LIN9: variants seen among roughly 807,000 people sequenced by gnomAD.
The protein encoded by LIN9 is protein lin-9 homolog.
LIN9 carries 18 observed loss-of-function variants against 78.0 expected under a neutral mutation model. The observed-to-expected ratio is 0.23, with a 90% CI of 0.16 to 0.34. The LOEUF is 0.34. Among genes scored for constraint, LIN9 ranks in the 10% least tolerant of loss-of-function variants. LIN9 has a pLI of 1.00. For missense variants in LIN9, 451 were observed against 644.1 expected (o/e 0.70, Z 3.25); for synonymous variants, 192 against 215.2 (o/e 0.89, Z 0.94).
chr1:226,264,458 A>C (rs1659790821), intron 10 of LIN9, among the ~76,000 whole-genome samples: 1 of 152,230 alleles, frequency 6.6e-6, no homozygotes, highest in South Asian at 2.1e-4. Context: ...ATATACAGAC[A>C]CACAACTGAC....
intron 6 of LIN9, among the ~76,000 whole-genome samples, chr1:226,281,704 T>C (rs566845791): frequency 3.3e-5 from 5 of 151,650 alleles, no homozygotes; most frequent in African/African-American, 4.8e-5. Context: ...TTTTCTTTTT[T>C]TTTTTTTGAT....
intron 4 of LIN9, among the ~76,000 whole-genome samples, chr1:226,290,236 T>A (rs963226787): frequency 6.6e-6 from 1 of 151,672 alleles, no homozygotes; most frequent in African/African-American, 2.4e-5. Context: ...GCATAAACAG[T>A]TTACAGAAAA....
intron 7 of LIN9, among the ~76,000 whole-genome samples, chr1:226,268,545 A>T (rs551673607): frequency 6.6e-6 from 1 of 152,300 alleles, no homozygotes; most frequent in South Asian, 2.1e-4. Flanking sequence ...GTATCTGGGA[A>T]CTTGGATTTC....
At chr1:226,258,206 AC>A (rs1659328376) in intron 10 of LIN9, among the ~76,000 whole-genome samples, 3 of 133,326 alleles carry the variant, frequency 2.3e-5, no homozygotes, top group African/African-American at 7.8e-5. Flanking sequence ...AAACAAACAA[AC>A]AAACAAAACA....
intron 11 of LIN9, among the ~76,000 whole-genome samples, chr1:226,240,836 C>T (rs1356693455): frequency 6.6e-6 from 1 of 152,206 alleles, no homozygotes. Context: ...AGGCATGTGC[C>T]ACTATGCCTG....
Position 226,265,792 on chromosome 1 carries a change from C to T in LIN9, c.937-158G>A, listed in dbSNP as rs964151766. Reference sequence around the variant, plus strand: ...CTCCTGGGTTCAAGCGATTCTCCTGCCTCAGCCTCCCGAGCAGCTGGGATT... The same window carrying T: ...CTCCTGGGTTCAAGCGATTCTCCTGTCTCAGCCTCCCGAGCAGCTGGGATT... On this transcript the variant is annotated intron_variant, in intron 9 of 14. Transcript: ENST00000681046. The surrounding 1 kb of genome is among the most constrained non-coding windows in gnomAD (Gnocchi z 4.1). Among the ~76,000 whole-genome samples the T allele has an allele frequency of 2.0e-5, 3 of 152,072 alleles. No individual in the cohort carries two copies. Among genetic ancestry groups the T allele is most frequent in the African/African-American group, 7.2e-5 (3 of 41,394 alleles).
chr1:226,251,732 A>G (rs1175457342), intron 10 of LIN9, among the ~76,000 whole-genome samples: 1 of 152,242 alleles, frequency 6.6e-6, no homozygotes, highest in Non-Finnish European at 1.5e-5. Context: ...CATTGTAACT[A>G]GGACATGTCA....
At chr1:226,282,706 A>G (rs1202954683) in intron 6 of LIN9, among the ~76,000 whole-genome samples, 1 of 152,190 alleles carries the variant, frequency 6.6e-6, no homozygotes, top group Non-Finnish European at 1.5e-5. Context: ...CTGTAATCCC[A>G]GCTACTCAGG....
At chr1:226,269,414 G>A (rs1300550244) in intron 7 of LIN9, among the ~76,000 whole-genome samples, 1 of 152,194 alleles carries the variant, frequency 6.6e-6, no homozygotes, top group Admixed American at 6.5e-5. Context: ...GTACAAACCT[G>A]AATGAGATTG....
chr1:226,289,459 C>T (rs1661586227), intron 4 of LIN9, among the ~76,000 whole-genome samples: 1 of 152,036 alleles, frequency 6.6e-6, no homozygotes, highest in South Asian at 2.1e-4. Flanking sequence ...ACCTCCTGGG[C>T]TCAAGCCATC....
Position 226,231,711 on chromosome 1 carries a change from A to G in LIN9, c.*790T>C, listed in dbSNP as rs1657345476. ...CAAATAAACAAAAAAATATGAAAAT[A>G]GTGTGTTATCATTTTTTTTTTAATA... On this transcript the variant is annotated 3_prime_UTR_variant, in exon 15 of 15. Transcript: ENST00000681046. 1 of 154,112 alleles carries G rather than the reference A, an allele frequency of 6.5e-6. No individual in the cohort carries two copies. Among genetic ancestry groups the G allele is most frequent in the Non-Finnish European group, 1.4e-5 (1 of 69,160 alleles). The allele number at this position is 154,112 out of a possible 1,614,324, so 9.5% of individuals were successfully genotyped here. A position where few individuals can be genotyped will look rare whatever the true frequency, so the allele number is the denominator to read the frequency against.
intron 10 of LIN9, among the ~76,000 whole-genome samples, chr1:226,264,699 A>G (rs1437887491): frequency 6.6e-6 from 1 of 152,084 alleles, no homozygotes; most frequent in African/African-American, 2.4e-5. Context: ...TACAAAAAAA[A>G]TTAGCCGGGC....
At chr1:226,267,867 G>C in intron 8 of LIN9, 90 bp downstream of exon 8, 2 of 1,331,068 alleles carry the variant, frequency 1.5e-6, no homozygotes, top group Non-Finnish European at 2.0e-6. Context: ...ATAAAGTCTT[G>C]ATTCTATCAT....
intron 7 of LIN9, 56 bp downstream of exon 7, chr1:226,277,719 G>C: frequency 6.8e-7 from 1 of 1,462,942 alleles, no homozygotes; most frequent in Non-Finnish European, 9.4e-7. Flanking sequence ...AAACAAAAAA[G>C]ATTACCTTGA....
At chr1:226,272,643 C>T (rs541923004) in intron 7 of LIN9, among the ~76,000 whole-genome samples, 3 of 150,506 alleles carry the variant, frequency 2.0e-5, no homozygotes, top group East Asian at 2.0e-4. Context: ...GCATGTCTGA[C>T]ATAATGTCCC....
At chr1:226,256,581 C>A (rs1241115916) in intron 10 of LIN9, among the ~76,000 whole-genome samples, 1 of 150,844 alleles carries the variant, frequency 6.6e-6, no homozygotes, top group Non-Finnish European at 1.5e-5. Flanking sequence ...TTTTTTGAGA[C>A]AGAGTCTCGC....
In LIN9 at chr1:226,231,597, TTATTA is replaced by T. The variant is rs1460029297; in HGVS notation, c.*899_*903del. 1 of 152,572 alleles carries T rather than the reference TTATTA, an allele frequency of 6.6e-6. No homozygotes were observed. The highest frequency in any genetic ancestry group is 1.5e-5 in the Non-Finnish European group (1 of 68,024). The allele number at this position is 152,572 out of a possible 1,614,324, so 9.5% of individuals were successfully genotyped here. ...TTTCTTCTGCATTTCACAGCACTGG[TTATTA>T]TATTTGTTTTCCTTATAAAATCTTT... On this transcript the variant is annotated 3_prime_UTR_variant, in exon 15 of 15. Transcript: ENST00000681046.
chr1:226,250,662 T>C (rs1286685749), intron 11 of LIN9, among the ~76,000 whole-genome samples, 177 bp downstream of exon 11: 1 of 152,220 alleles, frequency 6.6e-6, no homozygotes, highest in Non-Finnish European at 1.5e-5. Flanking sequence ...GCAATCCTTT[T>C]GCTTCAGCCT....
At position 226,272,686 on chromosome 1, in the gene LIN9, T is replaced by C. The variant is rs181313922; in HGVS notation, c.683-4596A>G. On this transcript the variant is annotated intron_variant, in intron 7 of 14. Coordinates refer to ENST00000681046, the MANE Select transcript of LIN9 (RefSeq NM_001366245.2). ...GTGTCTAGACTTGCTGGCTCCTTGC[T>C]TCTAGCCCTCCTAGGCTCCTAGATT... 5.6e-4 allele frequency among the ~76,000 whole-genome samples: 85 copies of C among 152,144 alleles called. 1 individual carries two copies. In the East Asian group the frequency reaches 0.016, roughly 28 times the overall value.
Sources: allele counts gnomAD v4.1 joint callset (sites outside exome capture counted in the v4.1 genomes callset), GRCh38; gene constraint gnomAD v4.1.1; non-coding constraint Gnocchi (gnomAD v3.1); transcripts MANE v1.5; gene names NCBI Gene and HGNC (gene_info 2026-07-23, HGNC 2026-07-21).